Variants in NR6A1 observed in about 807,000 individuals in gnomAD.
The protein encoded by NR6A1 is nuclear receptor subfamily 6 group A member 1, also known as retinoic acid receptor-related testis-associated receptor.
A neutral mutation model predicts 59.1 loss-of-function variants in NR6A1; 7 were observed. The ratio of observed to expected loss-of-function variants is 0.12; its 90% CI spans 0.07 to 0.22. The LOEUF (loss-of-function observed/expected upper bound fraction) is 0.22, where lower values mean the gene tolerates loss of function less well. NR6A1 is among the 10% of genes least tolerant of loss of function. The pLI, the probability that NR6A1 is intolerant of heterozygous loss-of-function variation, is 1.00. For synonymous variants in NR6A1, 243 were observed against 236.1 expected, an observed-to-expected ratio of 1.03 and a Z score of -0.27; for missense variants, 468 against 611.6, an observed-to-expected ratio of 0.77 and a Z score of 2.48.
chr9:124,604,517 A>G (rs1835524906), intron 2 of NR6A1, among the ~76,000 whole-genome samples: 1 of 152,186 alleles, frequency 6.6e-6, no homozygotes, highest in Non-Finnish European at 1.5e-5. Context: ...GCATCACTTA[A>G]AAATTATTAA....
intron 2 of NR6A1, among the ~76,000 whole-genome samples, chr9:124,586,931 A>T (rs1834954783): frequency 6.6e-6 from 1 of 152,238 alleles, no homozygotes; most frequent in African/African-American, 2.4e-5. Context: ...TGAATTTTGA[A>T]AGAGGTTCTA....
intron 2 of NR6A1, among the ~76,000 whole-genome samples, chr9:124,639,631 T>G (rs1416495781): frequency 6.6e-6 from 1 of 151,836 alleles, no homozygotes; most frequent in Non-Finnish European, 1.5e-5. Flanking sequence ...AGCAAAGGAG[T>G]AGCCAGTGAG....
intron 2 of NR6A1, among the ~76,000 whole-genome samples, chr9:124,600,963 A>G (rs1381759750): frequency 1.3e-5 from 2 of 152,038 alleles, no homozygotes; most frequent in South Asian, 2.1e-4. Context: ...AAAAAAAAAA[A>G]AAGACTACAG....
chr9:124,585,998 T>C (rs1008645946), intron 2 of NR6A1, among the ~76,000 whole-genome samples: 10 of 152,206 alleles, frequency 6.6e-5, no homozygotes, highest in Admixed American at 3.3e-4. Context: ...ATACTGCTGA[T>C]TGACAATGCA....
chr9:124,526,872 C>T lies in NR6A1; in HGVS notation c.1108G>A (p.Glu370Lys), dbSNP rs750535164. The change falls in exon 8 of 10, where the codon GAG (glutamate) becomes AAG (lysine). Residue 370 changes from glutamate to lysine, a missense_variant. By Grantham distance (56) the Glu-to-Lys change is moderately conservative (BLOSUM62 1). Around this residue, in one of 4 missense-constraint regions of NR6A1, gnomAD observed 176 missense variants for 264.0 expected, o/e 0.67. Coordinates refer to ENST00000487099, the MANE Select transcript of NR6A1 (RefSeq NM_033334.4). ...RFSDEGMEVI[E>K]RLIYLYHKFH... ...TTGTGATAGAGGTAGATGAGCCGCT[C>T]GATCACCTCCATCCCTTCATCACTA... The T allele has an allele frequency of 1.1e-5, 18 of 1,613,938 alleles. No individual in the cohort carries two copies. Among genetic ancestry groups the T allele is most frequent in the Non-Finnish European group, 1.5e-5 (18 of 1,179,942 alleles).
rs779449544 is a variant in NR6A1 at position 124,517,318 on chromosome 9, C to T, written c.*5387G>A. 6.6e-6 allele frequency: 1 copy of T among 152,310 alleles called. No homozygotes were observed. Among genetic ancestry groups the T allele is most frequent in the Non-Finnish European group, 1.5e-5 (1 of 68,082 alleles). 9.4% of individuals were successfully genotyped at this position (152,310 alleles called of 1,614,324 possible). A position where few individuals can be genotyped will look rare whatever the true frequency, so the allele number is the denominator to read the frequency against. ...ACATTTATTGGTTCAAATACAGTAC[C>T]TAACACTTGCTAAACATGCATTTCA... On this transcript the variant is annotated 3_prime_UTR_variant, in exon 10 of 10. Transcript: ENST00000487099.
intron 2 of NR6A1, among the ~76,000 whole-genome samples, chr9:124,675,751 G>T (rs1185148355): frequency 6.6e-6 from 1 of 152,158 alleles, no homozygotes; most frequent in African/African-American, 2.4e-5. Flanking sequence ...TTAGCAACAG[G>T]AAGCAACTGC....
intron 1 of NR6A1, among the ~76,000 whole-genome samples, chr9:124,754,058 TG>T (rs1429900384): frequency 6.6e-6 from 1 of 152,160 alleles, no homozygotes; most frequent in African/African-American, 2.4e-5. Flanking sequence ...AACTCTGTAA[TG>T]GAAAAGAAAG....
intron 2 of NR6A1, 94 bp downstream of exon 2, chr9:124,733,214 A>G (rs1043967798): frequency 2.3e-6 from 2 of 885,802 alleles, no homozygotes; most frequent in Non-Finnish European, 3.7e-6. Context: ...TCAATAAAGT[A>G]AGGCTTATCA....
intron 1 of NR6A1, among the ~76,000 whole-genome samples, chr9:124,769,173 T>C (rs1841030682): frequency 6.6e-6 from 1 of 151,612 alleles, no homozygotes; most frequent in African/African-American, 2.4e-5. Context: ...ATCTCAAACA[T>C]GTTCACATTC....
At chr9:124,644,537 C>T (rs1447106521) in intron 2 of NR6A1, among the ~76,000 whole-genome samples, 1 of 152,116 alleles carries the variant, frequency 6.6e-6, no homozygotes, top group Non-Finnish European at 1.5e-5. Flanking sequence ...CAGGTGTGAG[C>T]CACTGTGCCC....
chr9:124,624,894 T>G (rs967827756), intron 2 of NR6A1, among the ~76,000 whole-genome samples: 1 of 149,666 alleles, frequency 6.7e-6, no homozygotes, highest in Non-Finnish European at 1.5e-5. Context: ...TTGACATTAC[T>G]TTTTCTGTTG....
chr9:124,687,291 A>ATTATTTATTTAT (rs142524533), intron 2 of NR6A1, among the ~76,000 whole-genome samples: 8,237 of 142,094 alleles, frequency 0.058, 327 homozygotes, highest in Non-Finnish European at 0.082. Flanking sequence ...CAGCTAATTA[A>ATTATTTATTTAT]TTATTTATTT....
chr9:124,646,115 G>A lies in NR6A1; in HGVS notation c.142+87193C>T, dbSNP rs1836921255. Among the ~76,000 whole-genome samples, 7 of 152,274 alleles carry A rather than the reference G, an allele frequency of 4.6e-5. No homozygotes were observed. The South Asian group carries it at 1.5e-3, about 32-fold the overall frequency. ...AAATTTGTGGGATGCAATGAAAGTAGTGCTTGGAGGAAAGTTACAGCACTG... is the reference window on the plus strand; with the variant it reads ...AAATTTGTGGGATGCAATGAAAGTAATGCTTGGAGGAAAGTTACAGCACTG... On this transcript the variant is annotated intron_variant, in intron 2 of 9. Coordinates refer to ENST00000487099, the MANE Select transcript of NR6A1 (RefSeq NM_033334.4).
At chr9:124,723,082 C>T (rs1472843672) in intron 2 of NR6A1, among the ~76,000 whole-genome samples, 1 of 151,934 alleles carries the variant, frequency 6.6e-6, no homozygotes, top group African/African-American at 2.4e-5. Context: ...TATATTAATA[C>T]ATACTATTTA....
chr9:124,531,797 C>T (rs142594225), intron 7 of NR6A1, among the ~76,000 whole-genome samples: 2 of 152,278 alleles, frequency 1.3e-5, no homozygotes, highest in East Asian at 3.9e-4. Context: ...CAACATTTTC[C>T]ACTCGCTGAA....
intron 2 of NR6A1, among the ~76,000 whole-genome samples, chr9:124,663,915 A>T (rs948929556): frequency 3.3e-5 from 5 of 151,468 alleles, no homozygotes; most frequent in East Asian, 3.9e-4. Context: ...CATTAAGTAT[A>T]AAAAAAAAGA....
At chr9:124,532,736 A>G (rs1833136625) in intron 7 of NR6A1, among the ~76,000 whole-genome samples, 1 of 152,220 alleles carries the variant, frequency 6.6e-6, no homozygotes, top group Non-Finnish European at 1.5e-5. Flanking sequence ...AACGCTCAAT[A>G]AAACTTTATG....
intron 2 of NR6A1, among the ~76,000 whole-genome samples, chr9:124,595,394 A>C (rs1259455509): frequency 6.6e-6 from 1 of 152,230 alleles, no homozygotes; most frequent in African/African-American, 2.4e-5. Context: ...AAGGAATTTA[A>C]AATACAAACA....
Sources: gnomAD v4.1 joint callset for allele counts (sites outside exome capture counted in the v4.1 genomes callset) on GRCh38, gnomAD v4.1.1 for gene constraint, gnomAD v4.1.1 regional missense constraint, MANE v1.5 for transcripts, NCBI Gene and HGNC (gene_info 2026-07-23, HGNC 2026-07-21) for gene names.